Variants in LRMDA observed in about 807,000 individuals in gnomAD.
LRMDA encodes leucine-rich melanocyte differentiation-associated protein.
Under a neutral mutation model 29.8 loss-of-function variants are expected in LRMDA, and 18 were observed. That is an observed-to-expected ratio of 0.60 (90% CI 0.42 to 0.90). LRMDA has a LOEUF of 0.90. Among genes scored for constraint, LRMDA ranks in the 40% least tolerant of loss-of-function variants. The probability of loss-of-function intolerance (pLI) is 0.00; values close to 1 mark genes in which losing one functional copy is unlikely to be tolerated. For synonymous variants in LRMDA, 125 were observed against 109.4 expected, an observed-to-expected ratio of 1.14 and a Z score of -0.89; for missense variants, 273 against 273.9, an observed-to-expected ratio of 1.00 and a Z score of 0.02.
At chr10:76,538,555 T>TACACAC (rs57625591) in intron 6 of LRMDA, among the ~76,000 whole-genome samples, 25 of 141,482 alleles carry the variant, frequency 1.8e-4, no homozygotes, top group Middle Eastern at 3.8e-3. Flanking sequence ...TATATATATA[T>TACACAC]ACACACACAC....
chr10:75,514,375 T>A (rs1845265163), intron 2 of LRMDA, among the ~76,000 whole-genome samples: 1 of 151,970 alleles, frequency 6.6e-6, no homozygotes, highest in Admixed American at 6.6e-5. Flanking sequence ...ATGTCCTCTG[T>A]TCCCATCTCT....
At chr10:75,571,688 A>T (rs1481523965) in intron 2 of LRMDA, among the ~76,000 whole-genome samples, 4 of 152,184 alleles carry the variant, frequency 2.6e-5, no homozygotes, top group Admixed American at 6.5e-5. Flanking sequence ...AAGAGATACA[A>T]GTAACAGATG....
rs187291437 is a variant in LRMDA, at chr10:75,684,182, A to G, written c.131+245688A>G. The stretch of plus-strand genomic sequence containing the variant: ...TATCAATGTCTCCTCTCTCCAAAAA[A>G]TCTACCAGCCAGTGAGAGAAATGGT... On this transcript the variant is annotated intron_variant, in intron 2 of 6. Transcript: ENST00000611255. 2.3e-4 allele frequency among the ~76,000 whole-genome samples: 35 copies of G among 152,350 alleles called. No homozygotes were observed. In the East Asian group the frequency reaches 6.8e-3, roughly 29 times the overall value.
chr10:75,880,784 CT>C (rs1845280967), intron 2 of LRMDA, among the ~76,000 whole-genome samples: 1 of 152,216 alleles, frequency 6.6e-6, no homozygotes, highest in African/African-American at 2.4e-5. Flanking sequence ...CATGTTCTTC[CT>C]GCAAGCCAAG....
rs147833049 is a variant in LRMDA, at chr10:75,803,906, C to T, written c.132-232102C>T. On this transcript the variant is annotated intron_variant, in intron 2 of 6. Transcript: ENST00000611255. Reference sequence around the variant, plus strand: ...AGCACAATCACTCTGCCTCCCGCTCCGTCCTGGTCTGCCATCTGCTGACCC... The same window carrying T: ...AGCACAATCACTCTGCCTCCCGCTCTGTCCTGGTCTGCCATCTGCTGACCC... Among the ~76,000 whole-genome samples, 77 of 152,326 alleles carry T rather than the reference C, an allele frequency of 5.1e-4. 1 individual carries two copies. Among genetic ancestry groups the T allele is most frequent in the African/African-American group, 1.7e-3 (71 of 41,580 alleles).
chr10:76,438,697 A>G (rs1042907234), intron 6 of LRMDA: 1 of 152,236 alleles, frequency 6.6e-6, no homozygotes, highest in African/African-American at 2.4e-5. Context: ...ATCTTCCCAG[A>G]TACATCTAAA....
At chr10:75,661,693 G>A (rs940153221) in intron 2 of LRMDA, among the ~76,000 whole-genome samples, 1 of 152,164 alleles carries the variant, frequency 6.6e-6, no homozygotes, top group Non-Finnish European at 1.5e-5. Flanking sequence ...ACATGAACAA[G>A]TGTGGCACCC....
intron 6 of LRMDA, among the ~76,000 whole-genome samples, chr10:76,554,950 C>G (rs547100261): frequency 6.6e-6 from 1 of 151,986 alleles, no homozygotes; most frequent in African/African-American, 2.4e-5. Context: ...AGATTGTGTT[C>G]TTTATGACAT....
chr10:75,943,372 G>C (rs1846427066), intron 2 of LRMDA, among the ~76,000 whole-genome samples: 1 of 152,122 alleles, frequency 6.6e-6, no homozygotes, highest in Admixed American at 6.5e-5. Flanking sequence ...TTTTACAGAT[G>C]AGAAAACAGA....
At chr10:76,542,057 G>A (rs947994352) in intron 6 of LRMDA, among the ~76,000 whole-genome samples, 3 of 27,378 alleles carry the variant, frequency 1.1e-4, no homozygotes, top group African/African-American at 8.5e-4. Context: ...GTGTGCACGT[G>A]TGTGTGTGTG....
intron 2 of LRMDA, among the ~76,000 whole-genome samples, chr10:75,915,799 A>G (rs1375625143): frequency 6.6e-6 from 1 of 152,150 alleles, no homozygotes; most frequent in Non-Finnish European, 1.5e-5. Context: ...CTATTCAGCT[A>G]GCTCTGCAGG....
intron 2 of LRMDA, among the ~76,000 whole-genome samples, chr10:75,945,574 G>T (rs879655521): frequency 4.6e-5 from 7 of 152,148 alleles, no homozygotes; most frequent in Admixed American, 2.6e-4. Context: ...GTACCCACAT[G>T]TAGTAGTTTT....
chr10:76,173,673 T>A (rs1850879564), intron 5 of LRMDA, among the ~76,000 whole-genome samples: 1 of 152,212 alleles, frequency 6.6e-6, no homozygotes, highest in Admixed American at 6.5e-5. Flanking sequence ...TTATAATTTT[T>A]TTTTTGAGAC....
chr10:76,223,115 G>T (rs1284497264), intron 5 of LRMDA, among the ~76,000 whole-genome samples: 1 of 151,664 alleles, frequency 6.6e-6, no homozygotes, highest in Admixed American at 6.6e-5. Context: ...GGGGACTGTT[G>T]TGGGGTGGGG....
chr10:76,337,733 C>G (rs1840986802), intron 6 of LRMDA, among the ~76,000 whole-genome samples: 1 of 151,920 alleles, frequency 6.6e-6, no homozygotes, highest in African/African-American at 2.4e-5. Context: ...TCAGGCAGCA[C>G]TAGATTGCAC....
intron 6 of LRMDA, among the ~76,000 whole-genome samples, chr10:76,412,952 C>T (rs1436585407): frequency 2.6e-5 from 4 of 152,122 alleles, no homozygotes; most frequent in Admixed American, 2.0e-4. Flanking sequence ...CCTTCCTCCT[C>T]TCTGGATTAC....
chr10:75,563,547 G>C (rs189642113), intron 2 of LRMDA, among the ~76,000 whole-genome samples: 7 of 152,148 alleles, frequency 4.6e-5, no homozygotes, highest in South Asian at 2.1e-4. Flanking sequence ...GTCATTCTCC[G>C]TCCAGCTTTG....
rs577909109 is a variant in LRMDA at position 76,239,804 on chromosome 10, C to CTG, written c.517-84596_517-84595insGT. ...TTTTGTATATGGTGCTGTATACTTC[C>CTG]TATTGCATTACCTCCTGAGATGCAT... is the stretch of plus-strand genomic sequence containing the variant. On this transcript the variant is annotated intron_variant, in intron 5 of 6. Transcript: ENST00000611255. 1.1e-4 allele frequency among the ~76,000 whole-genome samples: 16 copies of CTG among 151,950 alleles called. No individual in the cohort carries two copies. In the East Asian group the frequency reaches 3.1e-3, roughly 30 times the overall value.
chr10:76,160,857 A>C (rs920626699), intron 5 of LRMDA, among the ~76,000 whole-genome samples: 1 of 152,126 alleles, frequency 6.6e-6, no homozygotes, highest in South Asian at 2.1e-4. Flanking sequence ...TATGAAAAGC[A>C]GTCCCCCGTT....
Sources: gnomAD v4.1 joint callset for allele counts (sites outside exome capture counted in the v4.1 genomes callset) on GRCh38, gnomAD v4.1.1 for gene constraint, MANE v1.5 for transcripts, NCBI Gene and HGNC (gene_info 2026-07-23, HGNC 2026-07-21) for gene names.